Variants in PTH2R observed in about 807,000 individuals in gnomAD.
PTH2R encodes parathyroid hormone 2 receptor.
In PTH2R, 59 loss-of-function variants were observed where a neutral mutation model predicts 60.3. That is an observed-to-expected ratio of 0.98 (90% CI 0.79 to 1.22). The LOEUF (loss-of-function observed/expected upper bound fraction) is 1.22, where lower values mean the gene tolerates loss of function less well. PTH2R is among the 50% of genes most tolerant of loss of function. The probability of loss-of-function intolerance (pLI) is 0.00; values close to 1 mark genes in which losing one functional copy is unlikely to be tolerated. For missense variants in PTH2R, 749 were observed against 682.6 expected (o/e 1.10, Z -1.08); for synonymous variants, 256 against 243.8 (o/e 1.05, Z -0.47).
At chr2:208,369,612 C>T (rs7590641) in intron 1 of PTH2R, among the ~76,000 whole-genome samples, 73,333 of 151,744 alleles carry the variant, frequency 0.48, 18,837 homozygotes, top group Admixed American at 0.57. Flanking sequence ...CCAGCCTCGG[C>T]CTCCCAAAGT....
chr2:208,394,549 AC>A (rs1254009282), intron 1 of PTH2R, among the ~76,000 whole-genome samples: 7 of 152,128 alleles, frequency 4.6e-5, no homozygotes, highest in African/African-American at 1.7e-4. Flanking sequence ...GAGAAACTAG[AC>A]TTTTGGCCCT....
At chr2:208,458,126 C>A (rs1702551692) in intron 8 of PTH2R, among the ~76,000 whole-genome samples, 1 of 152,104 alleles carries the variant, frequency 6.6e-6, no homozygotes, top group Non-Finnish European at 1.5e-5. Flanking sequence ...AGTGTAAGAT[C>A]TTTACTAGTA....
intron 4 of PTH2R, among the ~76,000 whole-genome samples, chr2:208,439,047 A>G (rs987528819): frequency 2.0e-5 from 3 of 152,190 alleles, no homozygotes; most frequent in African/African-American, 7.2e-5. Context: ...TCTCATTGAT[A>G]GAAACAAACA....
chr2:208,486,621 C>G (rs1207898911), intron 10 of PTH2R, among the ~76,000 whole-genome samples: 1 of 151,890 alleles, frequency 6.6e-6, no homozygotes, highest in Non-Finnish European at 1.5e-5. Flanking sequence ...ACAAGACTTT[C>G]AAGGTTTTGC....
intron 1 of PTH2R, among the ~76,000 whole-genome samples, chr2:208,371,495 C>G (rs766173205): frequency 6.6e-6 from 1 of 152,156 alleles, no homozygotes; most frequent in Non-Finnish European, 1.5e-5. Flanking sequence ...AGAGTGCTCC[C>G]TCAGGCATGG....
intron 1 of PTH2R, among the ~76,000 whole-genome samples, chr2:208,385,716 A>G (rs1411842069): frequency 2.6e-5 from 4 of 152,232 alleles, no homozygotes; most frequent in Non-Finnish European, 4.4e-5. Context: ...CTGGATTTGA[A>G]ATTCAATCTG....
At chr2:208,474,406 A>G (rs1381960550) in intron 9 of PTH2R, among the ~76,000 whole-genome samples, 1 of 152,226 alleles carries the variant, frequency 6.6e-6, no homozygotes, top group Non-Finnish European at 1.5e-5. Context: ...AATAGGGAAG[A>G]GACAACACCA....
rs1222961416 is a variant in PTH2R at position 208,437,831 on chromosome 2, A to G, written c.361A>G (p.Asn121Asp). 1 of 1,613,946 alleles carries G rather than the reference A, an allele frequency of 6.2e-7. No individual in the cohort carries two copies. The highest frequency in any genetic ancestry group is 1.1e-5 in the South Asian group (1 of 91,072). ...FMHSLNKTWANYSDCLRFLQP... is the reference protein window; with the variant it reads ...FMHSLNKTWADYSDCLRFLQP... ...GCACAGCTTAAATAAAACATGGGCC[A>G]ATTATTCAGACTGCCTTCGCTTTCT... is the stretch of plus-strand genomic sequence containing the variant. Residue 121 changes from asparagine to aspartate, a missense_variant, in exon 4 of 13, where the codon AAT (asparagine) becomes GAT (aspartate). Coordinates refer to ENST00000272847, the MANE Select transcript of PTH2R (RefSeq NM_005048.4).
At chr2:208,492,484 G>T (rs1478106960) in intron 12 of PTH2R, among the ~76,000 whole-genome samples, 1 of 152,064 alleles carries the variant, frequency 6.6e-6, no homozygotes, top group Non-Finnish European at 1.5e-5. Flanking sequence ...AAAAATATTT[G>T]GTCAGTATAA....
At chr2:208,470,581 G>A (rs1310110032) in intron 9 of PTH2R, among the ~76,000 whole-genome samples, 1 of 151,592 alleles carries the variant, frequency 6.6e-6, no homozygotes. Context: ...TGTGAGAAGT[G>A]CCCTTTCATC....
intron 1 of PTH2R, among the ~76,000 whole-genome samples, chr2:208,394,489 T>C (rs1287596483): frequency 1.3e-5 from 2 of 152,228 alleles, no homozygotes; most frequent in African/African-American, 4.8e-5. Context: ...GGCACCCATT[T>C]GAATGGGACA....
intron 8 of PTH2R, 147 bp downstream of exon 8, chr2:208,450,956 T>G: frequency 1.2e-6 from 1 of 835,954 alleles, no homozygotes; most frequent in Non-Finnish European, 2.0e-6. Context: ...GATGGTAGCT[T>G]CCAACACATT....
At chr2:208,396,698 G>A (rs1170567485) in intron 1 of PTH2R, among the ~76,000 whole-genome samples, 3 of 152,168 alleles carry the variant, frequency 2.0e-5, no homozygotes, top group South Asian at 2.1e-4. Flanking sequence ...ACGCTTTTAC[G>A]CTGTTGGTGG....
At chr2:208,371,982 C>T (rs1426055131) in intron 1 of PTH2R, among the ~76,000 whole-genome samples, 6 of 151,988 alleles carry the variant, frequency 3.9e-5, no homozygotes, top group East Asian at 3.9e-4. Flanking sequence ...AGTGCAGTGG[C>T]GTGATATCGG....
At chr2:208,418,233 A>T (rs1168995809) in intron 1 of PTH2R, among the ~76,000 whole-genome samples, 1 of 151,600 alleles carries the variant, frequency 6.6e-6, no homozygotes, top group East Asian at 1.9e-4. Flanking sequence ...AGGCTTAAAA[A>T]TATAAACATT....
At chr2:208,422,372 T>G (rs543049212) in intron 1 of PTH2R, among the ~76,000 whole-genome samples, 8 of 152,308 alleles carry the variant, frequency 5.3e-5, no homozygotes, top group African/African-American at 1.9e-4. Context: ...TACATGAAAT[T>G]AACCACCACA....
upstream of PTH2R, among the ~76,000 whole-genome samples, chr2:208,406,519 G>A (rs1166990817): frequency 4.6e-5 from 7 of 152,168 alleles, no homozygotes; most frequent in Admixed American, 1.3e-4. Context: ...CGCAGGACAG[G>A]AAGAAACTTC....
intron 1 of PTH2R, chr2:208,360,370 G>A (rs953320374): frequency 9.9e-6 from 3 of 303,244 alleles, no homozygotes; most frequent in Non-Finnish European, 2.0e-5. Flanking sequence ...CCCTTCCCTG[G>A]CAGCTGGGAT....
chr2:208,443,603 C>T (rs1702232328), intron 6 of PTH2R, 66 bp downstream of exon 6: 2 of 1,351,420 alleles, frequency 1.5e-6, no homozygotes, highest in Admixed American at 2.3e-5. Flanking sequence ...TACAATTTTA[C>T]AGTCCACTAA....
Sources: gnomAD v4.1 joint callset for allele counts (sites outside exome capture counted in the v4.1 genomes callset) on GRCh38, gnomAD v4.1.1 for gene constraint, MANE v1.5 for transcripts, NCBI Gene and HGNC (gene_info 2026-07-23, HGNC 2026-07-21) for gene names.